DGKB: variants seen among roughly 807,000 people sequenced by gnomAD.
The protein encoded by DGKB is diacylglycerol kinase beta.
In DGKB, 67 loss-of-function variants were observed where a neutral mutation model predicts 114.3. That is an observed-to-expected ratio of 0.59 (90% CI 0.48 to 0.72). DGKB has a LOEUF of 0.72. Among genes scored for constraint, DGKB ranks in the 30% least tolerant of loss-of-function variants. The probability of loss-of-function intolerance (pLI) is 0.00; values close to 1 mark genes in which losing one functional copy is unlikely to be tolerated. For missense variants in DGKB, 907 were observed against 975.2 expected (o/e 0.93, Z 0.93); for synonymous variants, 398 against 323.1 (o/e 1.23, Z -2.49).
At chr7:14,212,738 C>T (rs966346089) in intron 23 of DGKB, among the ~76,000 whole-genome samples, 8 of 152,034 alleles carry the variant, frequency 5.3e-5, no homozygotes, top group Admixed American at 2.0e-4. Context: ...TCTAACTCAT[C>T]GTTCTCTTTG....
At chr7:14,412,985 A>G (rs2128748161) in intron 21 of DGKB, among the ~76,000 whole-genome samples, 1 of 152,200 alleles carries the variant, frequency 6.6e-6, no homozygotes, top group African/African-American at 2.4e-5. Flanking sequence ...CAGCTCAAAA[A>G]AAAAAAAAAG....
intron 13 of DGKB, among the ~76,000 whole-genome samples, chr7:14,643,912 C>T (rs955618273): frequency 1.3e-5 from 2 of 152,258 alleles, no homozygotes; most frequent in South Asian, 2.1e-4. Flanking sequence ...GGGGCTGCTG[C>T]GCACCTTTGC....
intron 23 of DGKB, among the ~76,000 whole-genome samples, chr7:14,275,053 T>G (rs1204810807): frequency 6.6e-6 from 1 of 152,110 alleles, no homozygotes; most frequent in African/African-American, 2.4e-5. Context: ...GTATTTTCCT[T>G]CTTTAAAATA....
At chr7:14,747,529 A>T (rs79510017) in intron 4 of DGKB, among the ~76,000 whole-genome samples, 1 of 152,156 alleles carries the variant, frequency 6.6e-6, no homozygotes, top group Non-Finnish European at 1.5e-5. Flanking sequence ...TGATAAATGG[A>T]TGATATCTTC....
intron 23 of DGKB, among the ~76,000 whole-genome samples, chr7:14,254,010 A>G (rs1795607716): frequency 6.6e-6 from 1 of 152,200 alleles, no homozygotes; most frequent in African/African-American, 2.4e-5. Flanking sequence ...AGCTGTTTAG[A>G]CTCAATATTA....
chr7:14,314,037 T>G (rs912848613), intron 23 of DGKB, among the ~76,000 whole-genome samples: 6 of 152,192 alleles, frequency 3.9e-5, no homozygotes, highest in Admixed American at 6.5e-5. Context: ...CACCTCACAC[T>G]GCAGGGTACT....
intron 23 of DGKB, among the ~76,000 whole-genome samples, chr7:14,304,221 C>G (rs1029076944): frequency 6.6e-6 from 1 of 152,068 alleles, no homozygotes; most frequent in Non-Finnish European, 1.5e-5. Flanking sequence ...TACTACCTTT[C>G]AGATGGATTA....
intron 23 of DGKB, among the ~76,000 whole-genome samples, chr7:14,224,483 T>C (rs1790475604): frequency 6.6e-6 from 1 of 152,156 alleles, no homozygotes; most frequent in Admixed American, 6.6e-5. Flanking sequence ...TAACTCAATA[T>C]CTGCTTGCAA....
intron 20 of DGKB, among the ~76,000 whole-genome samples, chr7:14,499,449 T>A (rs1477188252): frequency 2.0e-5 from 3 of 151,766 alleles, no homozygotes; most frequent in Non-Finnish European, 3.0e-5. Context: ...ACAAAAACAT[T>A]ATTGGCTATC....
intron 1 of DGKB, among the ~76,000 whole-genome samples, chr7:14,919,547 G>T (rs1262652300): frequency 1.3e-5 from 2 of 152,134 alleles, no homozygotes; most frequent in Non-Finnish European, 2.9e-5. Flanking sequence ...ATATCCCTTG[G>T]ATATTTGTCC....
At chr7:14,437,813 A>T (rs1236553524) in intron 21 of DGKB, among the ~76,000 whole-genome samples, 12 of 150,498 alleles carry the variant, frequency 8.0e-5, no homozygotes, top group Non-Finnish European at 1.8e-4. Context: ...TTAGGAAATG[A>T]CTATAAGATT....
At chr7:14,306,525 G>A (rs1804504068) in intron 23 of DGKB, among the ~76,000 whole-genome samples, 1 of 151,752 alleles carries the variant, frequency 6.6e-6, no homozygotes, top group Non-Finnish European at 1.5e-5. Context: ...TCATATTTGG[G>A]CTTTCACAAA....
At chr7:14,544,723 T>A (rs1056024269) in intron 20 of DGKB, among the ~76,000 whole-genome samples, 8 of 152,338 alleles carry the variant, frequency 5.3e-5, no homozygotes, top group African/African-American at 1.9e-4. Flanking sequence ...TGGATAATAG[T>A]AATGATAATA....
At chr7:14,387,994 C>T (rs531885215) in intron 21 of DGKB, among the ~76,000 whole-genome samples, 1 of 151,482 alleles carries the variant, frequency 6.6e-6, no homozygotes, top group Non-Finnish European at 1.5e-5. Context: ...ATTCTCCTGC[C>T]TCAGCCTCCC....
chr7:14,694,285 G>T, intron 8 of DGKB, 91 bp from the exon 9 acceptor site: 1 of 1,145,148 alleles, frequency 8.7e-7, no homozygotes, highest in Non-Finnish European at 1.2e-6. Flanking sequence ...TAACAGCTAA[G>T]TGGAGAGTTG....
At chr7:14,213,447 G>A (rs1390251628) in intron 23 of DGKB, among the ~76,000 whole-genome samples, 2 of 152,156 alleles carry the variant, frequency 1.3e-5, no homozygotes, top group Admixed American at 6.6e-5. Context: ...TGTCTGGGAA[G>A]CAAAGCATCG....
chr7:14,609,191 C>T (rs1045479842), intron 16 of DGKB, among the ~76,000 whole-genome samples: 1 of 151,874 alleles, frequency 6.6e-6, no homozygotes, highest in African/African-American at 2.4e-5. Flanking sequence ...TGGTATAAAA[C>T]CAGACACTCA....
intron 1 of DGKB, among the ~76,000 whole-genome samples, chr7:14,848,801 G>T (rs1848974219): frequency 1.3e-5 from 2 of 152,184 alleles, no homozygotes; most frequent in East Asian, 3.9e-4. Flanking sequence ...CCCCTTAAAT[G>T]GTCCATATTT....
intron 2 of DGKB, among the ~76,000 whole-genome samples, chr7:14,823,442 A>C (rs1472613311): frequency 6.6e-6 from 1 of 152,146 alleles, no homozygotes; most frequent in South Asian, 2.1e-4. Flanking sequence ...ATATTATTCA[A>C]GGTAAAAATC....
Sources: allele counts gnomAD v4.1 joint callset (sites outside exome capture counted in the v4.1 genomes callset), GRCh38; gene constraint gnomAD v4.1.1; transcripts MANE v1.5; gene names NCBI Gene and HGNC (gene_info 2026-07-23, HGNC 2026-07-21).